The following ZNF778 variants were observed in gnomAD, a reference collection of about 807,000 sequenced individuals.
The protein encoded by ZNF778 is zinc finger protein 778.
Under a neutral mutation model 23.9 loss-of-function variants are expected in ZNF778, and 37 were observed. The observed-to-expected ratio is 1.54, with a 90% CI of 1.19 to 2.03. The LOEUF (loss-of-function observed/expected upper bound fraction) is 2.03, where lower values mean the gene tolerates loss of function less well. Among genes scored for constraint, ZNF778 ranks in the 30% most tolerant of loss-of-function variants. The pLI is 0.00. For synonymous variants in ZNF778, 483 were observed against 343.9 expected (o/e 1.40, Z -4.48); for missense variants, 1,297 against 934.4 (o/e 1.39, Z -5.06).
At position 89,227,619 on chromosome 16, in the gene ZNF778, C is replaced by T. The variant is rs199965023; in HGVS notation, c.1331C>T (p.Thr444Met). 6.8e-5 allele frequency: 110 copies of T among 1,614,010 alleles called. No individual in the cohort carries two copies. The highest frequency in any genetic ancestry group is 8.3e-5 in the Admixed American group (5 of 60,004). ...CTTACTAGACACGTACGAACACACA[C>T]GGGCGAGAAGCCATACACGTGTAAG... is the stretch of plus-strand genomic sequence containing the variant. ...CGLTRHVRTH[T>M]GEKPYTCKDC... Residue 444 changes from threonine to methionine, a missense_variant, in exon 7 of 7, where the codon ACG (threonine) becomes ATG (methionine). Thr to Met is a moderately conservative substitution (Grantham distance 81). Coordinates refer to ENST00000433976, the MANE Select transcript of ZNF778 (RefSeq NM_001201407.2).
rs1412587943 is a variant in ZNF778, at chr16:89,232,659, T to A, written c.*4097T>A. 8.3e-7 allele frequency: 1 copy of A among 1,207,438 alleles called. No individual in the cohort carries two copies. Among genetic ancestry groups the A allele is most frequent in the Non-Finnish European group, 1.1e-6 (1 of 950,424 alleles). The allele number at this position is 1,207,438 out of a possible 1,614,324, so 74.8% of individuals were successfully genotyped here. A position where few individuals can be genotyped will look rare whatever the true frequency, so the allele number is the denominator to read the frequency against. ...TTAATTATGTTTTTTTTTTTTTTGTTAGGGTACATTTTCATCCTGGGGTCT... is the reference window on the plus strand; with the variant it reads ...TTAATTATGTTTTTTTTTTTTTTGTAAGGGTACATTTTCATCCTGGGGTCT... On this transcript the variant is annotated 3_prime_UTR_variant, in exon 7 of 7. Coordinates refer to ENST00000433976, the MANE Select transcript of ZNF778 (RefSeq NM_001201407.2).
At chr16:89,222,368 TA>T (rs1028690082) in intron 3 of ZNF778, among the ~76,000 whole-genome samples, 185 bp downstream of exon 3, 1 of 152,148 alleles carries the variant, frequency 6.6e-6, no homozygotes, top group African/African-American at 2.4e-5. Flanking sequence ...ATTTCAGTGT[TA>T]CTTTTTTTTT....
intron 2 of ZNF778, among the ~76,000 whole-genome samples, 199 bp downstream of exon 2, chr16:89,221,351 A>G (rs2030921496): frequency 6.6e-6 from 1 of 152,158 alleles, no homozygotes; most frequent in Non-Finnish European, 1.5e-5. Flanking sequence ...AAACTCCTTC[A>G]TGAGTTTTCT....
intron 2 of ZNF778, among the ~76,000 whole-genome samples, chr16:89,221,538 G>A (rs1299230826): frequency 6.6e-6 from 1 of 151,074 alleles, no homozygotes; most frequent in African/African-American, 2.4e-5. Flanking sequence ...TTTTCCTGAG[G>A]CACTGTATGG....
At chr16:89,222,932 C>T (rs549298945) in intron 3 of ZNF778, among the ~76,000 whole-genome samples, 3 of 145,436 alleles carry the variant, frequency 2.1e-5, no homozygotes, top group African/African-American at 5.0e-5. Flanking sequence ...ACTGGAGGAG[C>T]GCGACAGGGC....
intron 6 of ZNF778, among the ~76,000 whole-genome samples, chr16:89,226,355 G>A (rs1248479261): frequency 6.6e-6 from 1 of 152,040 alleles, no homozygotes; most frequent in Admixed American, 6.6e-5. Flanking sequence ...ACAGGCATGC[G>A]CCACCATGCC....
intron 3 of ZNF778, 118 bp from the exon 4 acceptor site, chr16:89,223,039 A>G (rs2031120391): frequency 2.4e-6 from 3 of 1,259,392 alleles, no homozygotes; most frequent in East Asian, 2.6e-5. Context: ...CCACTGGGCC[A>G]TGGGGTAGAC....
At position 89,230,170 on chromosome 16, in the gene ZNF778, C is replaced by G. The variant is rs901627469; in HGVS notation, c.*1608C>G. The G allele has an allele frequency of 3.9e-6, 2 of 512,844 alleles. No individual in the cohort carries two copies. The highest frequency in any genetic ancestry group is 1.5e-4 in the East Asian group (1 of 6,712). The allele number at this position is 512,844 out of a possible 1,614,324, so 31.8% of individuals were successfully genotyped here. A position where few individuals can be genotyped will look rare whatever the true frequency, so the allele number is the denominator to read the frequency against. ...ACATTTTATGAAAATGCCCTTGTTC[C>G]TCTCCCATACCTGATCCCTTCAGAT... On this transcript the variant is annotated 3_prime_UTR_variant, in exon 7 of 7. Coordinates refer to ENST00000433976, the MANE Select transcript of ZNF778 (RefSeq NM_001201407.2).
At chr16:89,225,693 A>G (rs766475159) in intron 6 of ZNF778, 62 bp downstream of exon 6, 17 of 1,448,544 alleles carry the variant, frequency 1.2e-5, no homozygotes, top group Non-Finnish European at 1.6e-5. Flanking sequence ...GAATTCCACT[A>G]TAGAAAATGA....
In ZNF778 at chr16:89,232,124, G is replaced by C. The variant is rs536253537; in HGVS notation, c.*3562G>C. ...TGTGGCAGTGCTGGGAGGGGGCCTG[G>C]TGGGGGTTTGGGTCATGGGGGCACC... On this transcript the variant is annotated 3_prime_UTR_variant, in exon 7 of 7. Coordinates refer to ENST00000433976, the MANE Select transcript of ZNF778 (RefSeq NM_001201407.2). 1 of 158,562 alleles carries C rather than the reference G, an allele frequency of 6.3e-6. No individual in the cohort carries two copies. The highest frequency in any genetic ancestry group is 1.8e-4 in the South Asian group (1 of 5,442). The allele number at this position is 158,562 out of a possible 1,614,324, so 9.8% of individuals were successfully genotyped here.
At position 89,233,549 on chromosome 16, in the gene ZNF778, T is replaced by TCA. The variant is rs1407856107; in HGVS notation, c.*4989_*4990dup. ...ACTCGCACTGCGTATGCAAATCAAC[T>TCA]CACTGCATATGCAACTCAGCTCGCA... On this transcript the variant is annotated 3_prime_UTR_variant, in exon 7 of 7. Coordinates refer to ENST00000433976, the MANE Select transcript of ZNF778 (RefSeq NM_001201407.2). 7.8e-7 allele frequency: 1 copy of TCA among 1,277,444 alleles called. No homozygotes were observed. The allele number at this position is 1,277,444 out of a possible 1,614,324, so 79.1% of individuals were successfully genotyped here.
chr16:89,234,196 C>A lies in ZNF778; in HGVS notation c.*5634C>A, dbSNP rs1363058358. 2 of 376,526 alleles carry A rather than the reference C, an allele frequency of 5.3e-6. No homozygotes were observed. Among genetic ancestry groups the A allele is most frequent in the Non-Finnish European group, 1.0e-5 (2 of 191,490 alleles). 23.3% of individuals were successfully genotyped at this position (376,526 alleles called of 1,614,324 possible). A position where few individuals can be genotyped will look rare whatever the true frequency, so the allele number is the denominator to read the frequency against. On this transcript the variant is annotated 3_prime_UTR_variant, in exon 7 of 7. Transcript: ENST00000433976. ...TGACGAGTCCGCGTCTAGGCCCCACCAGTGGTGTGGTTTTCCTCATAGTCT... is the reference window on the plus strand; with the variant it reads ...TGACGAGTCCGCGTCTAGGCCCCACAAGTGGTGTGGTTTTCCTCATAGTCT...
chr16:89,225,371 T>C (rs72819400), intron 5 of ZNF778, among the ~76,000 whole-genome samples, 184 bp from the exon 6 acceptor site: 5,716 of 152,202 alleles, frequency 0.038, 206 homozygotes, highest in East Asian at 0.16. Context: ...ACATTTCTTC[T>C]TTATGGACCA....
Position 89,227,109 on chromosome 16 carries a change from T to C in ZNF778, c.821T>C (p.Met274Thr). 2 of 1,613,992 alleles carry C rather than the reference T, an allele frequency of 1.2e-6. No individual in the cohort carries two copies. Among genetic ancestry groups the C allele is most frequent in the East Asian group, 2.2e-5 (1 of 44,880 alleles). ...ATGGGCTGCGCCACACCTGTTGAAA[T>C]GCATGCCGTCAGGAATCCCCACGTA... ...HSMGCATPVE[M>T]HAVRNPHVCR... Residue 274 changes from methionine (M) to threonine (T), a missense_variant, in exon 7 of 7, where the codon ATG becomes ACG. Met to Thr is a moderately conservative substitution (Grantham distance 81). Coordinates refer to ENST00000433976, the MANE Select transcript of ZNF778 (RefSeq NM_001201407.2).
At chr16:89,223,120 C>T (rs371900506) in intron 3 of ZNF778, 37 bp from the exon 4 acceptor site, 10 of 1,602,724 alleles carry the variant, frequency 6.2e-6, no homozygotes, top group East Asian at 2.2e-5. Context: ...CCGATGGACA[C>T]GTTGGAAGGC....
In ZNF778 at chr16:89,230,971, G is replaced by A. The variant is rs2031892497; in HGVS notation, c.*2409G>A. The A allele has an allele frequency of 6.6e-6, 1 of 151,966 alleles. No individual in the cohort carries two copies. The highest frequency in any genetic ancestry group is 2.1e-4 in the South Asian group (1 of 4,814). The allele number at this position is 151,966 out of a possible 1,614,324, so 9.4% of individuals were successfully genotyped here. ...TAAAATTCTGGATGGACAGACCCGT[G>A]CACCTTCCTGTCACATGTTTGAAAT... On this transcript the variant is annotated 3_prime_UTR_variant, in exon 7 of 7. Coordinates refer to ENST00000433976, the MANE Select transcript of ZNF778 (RefSeq NM_001201407.2).
rs1329609465 is a variant in ZNF778, at chr16:89,232,862, C to G, written c.*4300C>G. ...CTCAACTCACACCGTGTATGCAAAT[C>G]AACTCGCACTGCGTATGCAACTCAA... On this transcript the variant is annotated 3_prime_UTR_variant, in exon 7 of 7. Transcript: ENST00000433976. 2.5e-6 allele frequency: 3 copies of G among 1,220,260 alleles called. No individual in the cohort carries two copies. The highest frequency in any genetic ancestry group is 3.1e-6 in the Non-Finnish European group (3 of 963,044). The allele number at this position is 1,220,260 out of a possible 1,614,324, so 75.6% of individuals were successfully genotyped here.
In ZNF778 at chr16:89,236,980, G is replaced by C. The variant is rs2032255883; in HGVS notation, c.*8418G>C. 6.6e-6 allele frequency: 1 copy of C among 152,140 alleles called. No individual in the cohort carries two copies. The highest frequency in any genetic ancestry group is 6.5e-5 in the Admixed American group (1 of 15,268). 9.4% of individuals were successfully genotyped at this position (152,140 alleles called of 1,614,324 possible). A position where few individuals can be genotyped will look rare whatever the true frequency, so the allele number is the denominator to read the frequency against. ...CTCAGCTTCTCAGGAGGCTGAGGCA[G>C]GAGAATCACTTGAACCCAGGAGGTG... On this transcript the variant is annotated 3_prime_UTR_variant, in exon 7 of 7. Transcript: ENST00000433976.
chr16:89,217,763 G>C lies in ZNF778; in HGVS notation c.-279G>C, dbSNP rs1373134036. ...GTGCTGGCGCCGGAGAGTTCCGCGC[G>C]TGTCCTCGGGCTGTCCGCGGGGAAG... is the stretch of plus-strand genomic sequence containing the variant. On this transcript the variant is annotated 5_prime_UTR_variant, in exon 1 of 7. Transcript: ENST00000433976. The C allele has an allele frequency of 6.6e-6, 1 of 152,324 alleles. No individual in the cohort carries two copies. The highest frequency in any genetic ancestry group is 3.4e-3 in the Middle Eastern group (1 of 294). The allele number at this position is 152,324 out of a possible 1,614,324, so 9.4% of individuals were successfully genotyped here. A position where few individuals can be genotyped will look rare whatever the true frequency, so the allele number is the denominator to read the frequency against.
Sources: allele counts gnomAD v4.1 joint callset (sites outside exome capture counted in the v4.1 genomes callset), GRCh38; gene constraint gnomAD v4.1.1; transcripts MANE v1.5; gene names NCBI Gene and HGNC (gene_info 2026-07-23, HGNC 2026-07-21).